The following CLTCL1 variants were observed in gnomAD, a reference collection of about 807,000 sequenced individuals.
CLTCL1 encodes clathrin heavy chain like 1.
A neutral mutation model predicts 190.0 loss-of-function variants in CLTCL1; 159 were observed. That is an observed-to-expected ratio of 0.84 (90% CI 0.74 to 0.95). CLTCL1 has a LOEUF of 0.95. CLTCL1 is among the 40% of genes least tolerant of loss of function. CLTCL1 has a pLI of 0.00. For missense variants in CLTCL1, 1,878 were observed against 2,033.4 expected (o/e 0.92, Z 1.47); for synonymous variants, 752 against 769.6 (o/e 0.98, Z 0.38).
intron 4 of CLTCL1, among the ~76,000 whole-genome samples, chr22:19,239,948 C>CTTT (rs34417269): frequency 6.6e-5 from 9 of 137,250 alleles, no homozygotes; most frequent in South Asian, 4.6e-4. Flanking sequence ...TCTTTTTCTT[C>CTTT]TTTTTTTTTT....
chr22:19,201,643 G>A, intron 22 of CLTCL1, 150 bp from the exon 23 acceptor site: 1 of 876,280 alleles, frequency 1.1e-6, no homozygotes. Flanking sequence ...GATGAAGTTG[G>A]CCTTGGCTTT....
chr22:19,248,461 C>T (rs1468850888), intron 3 of CLTCL1, among the ~76,000 whole-genome samples: 3 of 152,114 alleles, frequency 2.0e-5, no homozygotes, highest in Non-Finnish European at 4.4e-5. Context: ...AATGTTTCTT[C>T]GTATACTCAG....
rs2084819711 is a variant in CLTCL1 at position 19,199,732 on chromosome 22, A to C, written c.3873+2T>G. On this transcript the variant is annotated splice_donor_variant, in intron 24 of 32. Transcript: ENST00000427926. LOFTEE classifies it high-confidence loss of function. ...CATTACCAGCAGAGATCATCTGGTCACCTGGTAATAGCACATCAGCTCCTC... is the reference window on the plus strand; with the variant it reads ...CATTACCAGCAGAGATCATCTGGTCCCCTGGTAATAGCACATCAGCTCCTC... 1 of 1,577,558 alleles carries C rather than the reference A, an allele frequency of 6.3e-7. No homozygotes were observed. Among genetic ancestry groups the C allele is most frequent in the African/African-American group, 1.4e-5 (1 of 74,048 alleles).
chr22:19,188,900 C>A (rs1163086932), intron 27 of CLTCL1, among the ~76,000 whole-genome samples: 3 of 152,094 alleles, frequency 2.0e-5, no homozygotes, highest in Non-Finnish European at 2.9e-5. Flanking sequence ...CAGGCATGAG[C>A]CACTGCGCCC....
chr22:19,265,081 GC>G (rs1391142704), intron 2 of CLTCL1, among the ~76,000 whole-genome samples: 4 of 152,114 alleles, frequency 2.6e-5, no homozygotes, highest in African/African-American at 9.7e-5. Context: ...GAGCCACCGT[GC>G]CCAGCCGAAA....
chr22:19,187,824 A>G, intron 28 of CLTCL1, 96 bp from the exon 29 acceptor site: 1 of 1,403,752 alleles, frequency 7.1e-7, no homozygotes, highest in Non-Finnish European at 1.0e-6. Flanking sequence ...TGTTGCTATC[A>G]GCACAGCCTT....
At chr22:19,221,638 G>T in intron 16 of CLTCL1, 27 bp from the exon 17 acceptor site, 1 of 1,539,602 alleles carries the variant, frequency 6.5e-7, no homozygotes, top group Non-Finnish European at 8.8e-7. Flanking sequence ...GTGCTGTAAA[G>T]TCTCAAGGCT....
chr22:19,259,342 G>A (rs2086868127), intron 2 of CLTCL1, among the ~76,000 whole-genome samples: 1 of 152,080 alleles, frequency 6.6e-6, no homozygotes, highest in Admixed American at 6.6e-5. Flanking sequence ...CTGACCTCAG[G>A]TGATCTGCCC....
intron 4 of CLTCL1, among the ~76,000 whole-genome samples, chr22:19,239,988 G>A (rs564670202): frequency 1.4e-5 from 2 of 145,170 alleles, no homozygotes; most frequent in Non-Finnish European, 3.0e-5. Flanking sequence ...TCGCTCTGTC[G>A]CTCAGGCTGG....
At chr22:19,271,637 T>C (rs1057090118) in intron 2 of CLTCL1, among the ~76,000 whole-genome samples, 2 of 152,182 alleles carry the variant, frequency 1.3e-5, no homozygotes, top group African/African-American at 2.4e-5. Context: ...TAAATTATCC[T>C]GTCTCAGGTA....
intron 19 of CLTCL1, among the ~76,000 whole-genome samples, chr22:19,211,670 A>G (rs886432076): frequency 1.3e-5 from 2 of 151,468 alleles, no homozygotes; most frequent in African/African-American, 2.4e-5. Flanking sequence ...GGGAGGCTGA[A>G]GCAGGAGAAT....
chr22:19,254,159 CT>C lies in CLTCL1; in HGVS notation c.318del (p.Glu107LysfsTer2). 1 of 1,613,934 alleles carries C rather than the reference CT, an allele frequency of 6.2e-7. No homozygotes were observed. Among genetic ancestry groups the C allele is most frequent in the African/African-American group, 1.3e-5 (1 of 75,050 alleles). The part of the protein sequence containing the change: ...KSKMKAHTMA[E>X]EVIFWKWVSV... ...GAAACCCATTTCCAGAAAATCACTT[CT>C]TCTGCCATAGTATGAGCCTTCATTT... On this transcript the variant is annotated frameshift_variant, in exon 3 of 33. Coordinates refer to ENST00000427926, the MANE Select transcript of CLTCL1 (RefSeq NM_007098.4). LOFTEE classifies it high-confidence loss of function.
intron 2 of CLTCL1, among the ~76,000 whole-genome samples, chr22:19,273,790 T>A (rs1482081616): frequency 6.6e-6 from 1 of 152,118 alleles, no homozygotes; most frequent in Non-Finnish European, 1.5e-5. Context: ...TTCCTTAGAC[T>A]ACCCCCTAAA....
intron 2 of CLTCL1, among the ~76,000 whole-genome samples, chr22:19,263,346 C>T (rs1363698635): frequency 6.6e-6 from 1 of 151,778 alleles, no homozygotes; most frequent in Non-Finnish European, 1.5e-5. Flanking sequence ...ATCTTCCCAC[C>T]TTGGCCTCTG....
chr22:19,211,471 G>T lies in CLTCL1; in HGVS notation c.3066-962C>A, dbSNP rs147982633. 4.6e-3 allele frequency among the ~76,000 whole-genome samples: 697 copies of T among 152,202 alleles called. 6 individuals carry two copies. Among genetic ancestry groups the T allele is most frequent in the African/African-American group, 0.016 (670 of 41,522 alleles). Reference sequence around the variant, plus strand: ...CGCAAAGAAAGCACAGGCAGCACTAGATTAGGAAGAAATAAAACTGTCCCC... The same window carrying T: ...CGCAAAGAAAGCACAGGCAGCACTATATTAGGAAGAAATAAAACTGTCCCC... On this transcript the variant is annotated intron_variant, in intron 19 of 32. Transcript: ENST00000427926.
At chr22:19,201,187 T>C (rs2146319789) in intron 23 of CLTCL1, 142 bp downstream of exon 23, 1 of 1,018,488 alleles carries the variant, frequency 9.8e-7, no homozygotes, top group Non-Finnish European at 1.4e-6. Flanking sequence ...AACACTAGCC[T>C]AGAGACTCTA....
intron 3 of CLTCL1, among the ~76,000 whole-genome samples, chr22:19,247,561 T>G (rs1263843254): frequency 6.6e-6 from 1 of 152,194 alleles, no homozygotes; most frequent in Non-Finnish European, 1.5e-5. Flanking sequence ...TCATTTGTTT[T>G]GTTTTGTTTT....
At chr22:19,274,299 C>T (rs550234016) in intron 2 of CLTCL1, among the ~76,000 whole-genome samples, 3 of 152,058 alleles carry the variant, frequency 2.0e-5, no homozygotes, top group Non-Finnish European at 4.4e-5. Flanking sequence ...CCCTTCTCTA[C>T]AAATATTTTT....
At chr22:19,231,046 C>T (rs2085904472) in intron 10 of CLTCL1, among the ~76,000 whole-genome samples, 1 of 152,100 alleles carries the variant, frequency 6.6e-6, no homozygotes, top group Non-Finnish European at 1.5e-5. Context: ...CACCAAAGGC[C>T]CCCCAGGGTT....
Sources: allele counts gnomAD v4.1 joint callset (sites outside exome capture counted in the v4.1 genomes callset), GRCh38; gene constraint gnomAD v4.1.1; transcripts MANE v1.5; gene names NCBI Gene and HGNC (gene_info 2026-07-23, HGNC 2026-07-21).